The following GFPT1 variants were observed in gnomAD, a reference collection of about 807,000 sequenced individuals.
GFPT1 encodes glutamine--fructose-6-phosphate transaminase 1.
GFPT1 carries 40 observed loss-of-function variants against 92.0 expected under a neutral mutation model. The observed-to-expected ratio is 0.43, with a 90% confidence interval of 0.34 to 0.57. The LOEUF is 0.57. Among genes scored for constraint, GFPT1 ranks in the 20% least tolerant of loss-of-function variants. The probability of loss-of-function intolerance (pLI) is 0.02; values close to 1 mark genes in which losing one functional copy is unlikely to be tolerated. For missense variants in GFPT1, 448 were observed against 869.1 expected, an observed-to-expected ratio of 0.52 and a Z score of 6.09; for synonymous variants, 269 against 280.6, an observed-to-expected ratio of 0.96 and a Z score of 0.41.
In GFPT1 at chr2:69,374,080, C is replaced by A. The variant is rs922548333; in HGVS notation, c.41G>T (p.Arg14Leu). 1 of 1,593,008 alleles carries A rather than the reference C, an allele frequency of 6.3e-7. No homozygotes were observed. Among genetic ancestry groups the A allele is most frequent in the South Asian group, 1.1e-5 (1 of 90,374 alleles). Residue 14 changes from arginine to leucine, a missense_variant, in exon 2 of 20, where the codon CGA becomes CTA. By Grantham distance (102) the Arg-to-Leu change is moderately radical. This residue lies in a region of GFPT1 where 72 missense variants were observed against 95.1 expected (regional missense o/e 0.76). Coordinates refer to ENST00000357308, the MANE Select transcript of GFPT1 (RefSeq NM_001244710.2). ...GGTCTCCAGGATTTCTCGTCTCGTT[C>A]GAGGAACATGGTAGTTTAAGTAAGC... ...IFAYLNYHVP[R>L]TRREILETLI...
intron 1 of GFPT1, 150 bp downstream of exon 1, chr2:69,386,915 C>T: frequency 1.4e-6 from 1 of 706,696 alleles, no homozygotes; most frequent in Non-Finnish European, 2.5e-6. Flanking sequence ...GGCCCCCGCC[C>T]CCGCAGCCAC....
At chr2:69,326,877 A>C (rs1329895314) in intron 19 of GFPT1, 37 bp downstream of exon 19, 3 of 1,606,888 alleles carry the variant, frequency 1.9e-6, no homozygotes, top group South Asian at 2.2e-5. Context: ...CCAGGTAAAA[A>C]ACCATCCCAA....
intron 15 of GFPT1, among the ~76,000 whole-genome samples, chr2:69,335,168 C>T (rs1250472323): frequency 1.3e-5 from 2 of 151,804 alleles, no homozygotes; most frequent in African/African-American, 2.4e-5. Context: ...CACCATGCCC[C>T]GCTAATTTTT....
intron 3 of GFPT1, 147 bp from the exon 4 acceptor site, chr2:69,363,817 A>T (rs1261054849): frequency 1.1e-5 from 8 of 704,174 alleles, no homozygotes; most frequent in Non-Finnish European, 1.9e-5. Flanking sequence ...CAAAATAGTG[A>T]TTAAAAGACT....
rs991778250 is a variant in GFPT1, at chr2:69,329,374, T to C, written c.1648A>G (p.Thr550Ala). 4 of 1,610,886 alleles carry C rather than the reference T, an allele frequency of 2.5e-6. No homozygotes were observed. The highest frequency in any genetic ancestry group is 3.4e-6 in the Non-Finnish European group (4 of 1,177,078). The change falls in exon 17 of 20, where the codon ACA becomes GCA. Residue 550 changes from threonine to alanine, a missense_variant. By Grantham distance (58) the Thr-to-Ala change is moderately conservative (BLOSUM62 0). This residue lies in a region of GFPT1 where 73 missense variants were observed against 103.5 expected (regional missense o/e 0.71). Transcript: ENST00000357308. ...SMDDEIQKLA[T>A]ELYHQKSVLI... ...ACTGACTTCTGATGATAAAGTTCTGTTGCTAGTTTCTGAATTTCGTCATCC... is the reference window on the plus strand; with the variant it reads ...ACTGACTTCTGATGATAAAGTTCTGCTGCTAGTTTCTGAATTTCGTCATCC...
At chr2:69,372,264 G>C (rs960922635) in intron 2 of GFPT1, among the ~76,000 whole-genome samples, 13 of 148,400 alleles carry the variant, frequency 8.8e-5, no homozygotes, top group Non-Finnish European at 1.3e-4. Context: ...CCAAATAAGA[G>C]AAGTGGATCT....
chr2:69,386,867 T>A (rs1486643029), intron 1 of GFPT1, among the ~76,000 whole-genome samples, 198 bp downstream of exon 1: 1 of 152,008 alleles, frequency 6.6e-6, no homozygotes, highest in Non-Finnish European at 1.5e-5. Flanking sequence ...CAGGTGCCTT[T>A]CTCCCGGCCG....
chr2:69,355,183 TC>T (rs1671308346), intron 7 of GFPT1, among the ~76,000 whole-genome samples: 1 of 152,152 alleles, frequency 6.6e-6, no homozygotes, highest in African/African-American at 2.4e-5. Context: ...CCTCAAGTGA[TC>T]CCCTTGCCTC....
rs376994750 is a variant in GFPT1, at chr2:69,368,530, C to T, written c.223+1471G>A. Among the ~76,000 whole-genome samples, 8 of 152,278 alleles carry T rather than the reference C, an allele frequency of 5.3e-5. 1 individual carries two copies. The highest frequency in any genetic ancestry group is 1.9e-4 in the African/African-American group (8 of 41,552). The stretch of plus-strand genomic sequence containing the variant: ...ATCACTTGAGGTCAGGAGTTCAAGA[C>T]CAGCCTGGCCAATATGGTGAAACCC... On this transcript the variant is annotated intron_variant, in intron 3 of 19. Coordinates refer to ENST00000357308, the MANE Select transcript of GFPT1 (RefSeq NM_001244710.2).
intron 9 of GFPT1, among the ~76,000 whole-genome samples, chr2:69,352,761 T>A (rs62135762): frequency 1.3e-5 from 2 of 151,888 alleles, no homozygotes; most frequent in Admixed American, 6.6e-5. Flanking sequence ...AAAAAAAATT[T>A]GAGGCTGGGT....
intron 15 of GFPT1, among the ~76,000 whole-genome samples, chr2:69,335,282 C>A (rs2104611431): frequency 6.6e-6 from 1 of 152,262 alleles, no homozygotes; most frequent in African/African-American, 2.4e-5. Context: ...GCCAGGATAA[C>A]AGTTGTGAGC....
intron 1 of GFPT1, among the ~76,000 whole-genome samples, chr2:69,381,832 G>A (rs1031399561): frequency 3.3e-5 from 5 of 150,648 alleles, no homozygotes; most frequent in African/African-American, 1.2e-4. Context: ...GGGATTACAG[G>A]TGTAAGCCAA....
chr2:69,346,899 G>C (rs1418600521), intron 11 of GFPT1, among the ~76,000 whole-genome samples: 2 of 146,154 alleles, frequency 1.4e-5, no homozygotes, highest in African/African-American at 2.7e-5. Context: ...CCGGCTCATA[G>C]TTTTGTTTTG....
chr2:69,356,205 G>A (rs1376244590), intron 7 of GFPT1, among the ~76,000 whole-genome samples: 2 of 151,952 alleles, frequency 1.3e-5, no homozygotes, highest in Non-Finnish European at 2.9e-5. Context: ...TGTTGGCCTG[G>A]CTGGTCTCAA....
In GFPT1 at chr2:69,355,932, T is replaced by C. The variant is rs57094948; in HGVS notation, c.605+564A>G. ...ATCCAAATTCACAAAGTAACCTTGG[T>C]GCGCCCAACAAAGACAAAAGGCCAA... On this transcript the variant is annotated intron_variant, in intron 7 of 19. Coordinates refer to ENST00000357308, the MANE Select transcript of GFPT1 (RefSeq NM_001244710.2). Among the ~76,000 whole-genome samples, 895 of 151,418 alleles carry C rather than the reference T, an allele frequency of 5.9e-3. 11 individuals are homozygous for C. The highest frequency in any genetic ancestry group is 0.019 in the African/African-American group (801 of 41,312).
intron 13 of GFPT1, among the ~76,000 whole-genome samples, chr2:69,340,362 T>C (rs1281783831): frequency 6.6e-6 from 1 of 152,068 alleles, no homozygotes; most frequent in Non-Finnish European, 1.5e-5. Flanking sequence ...AAATGACATA[T>C]TTCCATCACA....
chr2:69,351,715 A>G (rs1671210782), intron 9 of GFPT1, among the ~76,000 whole-genome samples: 1 of 152,220 alleles, frequency 6.6e-6, no homozygotes, highest in Admixed American at 6.5e-5. Context: ...TCCCATTCAT[A>G]TTTAACAGCA....
chr2:69,333,188 A>T (rs1670714365), intron 15 of GFPT1, among the ~76,000 whole-genome samples: 1 of 152,206 alleles, frequency 6.6e-6, no homozygotes, highest in Non-Finnish European at 1.5e-5. Flanking sequence ...ATCACAAAAC[A>T]TACTACCAGG....
In GFPT1 at chr2:69,348,252, G is replaced by A; in HGVS notation, c.928C>T (p.His310Tyr). 3 of 1,612,480 alleles carry A rather than the reference G, an allele frequency of 1.9e-6. No homozygotes were observed. Among genetic ancestry groups the A allele is most frequent in the Non-Finnish European group, 2.5e-6 (3 of 1,178,512 alleles). The stretch of plus-strand genomic sequence containing the variant: ...TCTCCTGCAGTTCGTTTAATTCGAT[G>A]GATAGAAAGACGTCCATCCACTACT... ...AAVVDGRLSI[H>Y]RIKRTAGDHP... is the part of the protein sequence containing the mutation. The change falls in exon 11 of 20, where the codon CAT becomes TAT. Residue 310 changes from histidine (H) to tyrosine (Y), a missense_variant. Physicochemically the swap from His to Tyr is moderately conservative, Grantham distance 83. This residue lies in a region of GFPT1 where 121 missense variants were observed against 304.3 expected (regional missense o/e 0.40). Coordinates refer to ENST00000357308, the MANE Select transcript of GFPT1 (RefSeq NM_001244710.2).
Sources: gnomAD v4.1 joint callset for allele counts (sites outside exome capture counted in the v4.1 genomes callset) on GRCh38, gnomAD v4.1.1 for gene constraint, gnomAD v4.1.1 regional missense constraint, MANE v1.5 for transcripts, NCBI Gene and HGNC (gene_info 2026-07-23, HGNC 2026-07-21) for gene names.